MIPEP: variants seen among roughly 807,000 people sequenced by gnomAD.
MIPEP encodes the protein mitochondrial intermediate peptidase.
Under a neutral mutation model 90.3 loss-of-function variants are expected in MIPEP, and 79 were observed. The ratio of observed to expected loss-of-function variants is 0.87; its 90% confidence interval spans 0.73 to 1.05. The LOEUF (loss-of-function observed/expected upper bound fraction) is 1.05, where lower values mean the gene tolerates loss of function less well. Ranked by LOEUF, MIPEP falls within the 50% of genes least tolerant of loss-of-function variation. MIPEP has a pLI of 0.00. For synonymous variants in MIPEP, 334 were observed against 315.8 expected (o/e 1.06, Z -0.61); for missense variants, 940 against 905.6 (o/e 1.04, Z -0.49).
In MIPEP at chr13:23,730,449, C is replaced by T. The variant is rs1243340944; in HGVS notation, c.2045-4G>A. 1.9e-6 allele frequency: 3 copies of T among 1,604,884 alleles called. No homozygotes were observed. Among genetic ancestry groups the T allele is most frequent in the Non-Finnish European group, 2.6e-6 (3 of 1,173,230 alleles). On this transcript the variant is annotated splice_polypyrimidine_tract_variant and splice_region_variant and intron_variant, in intron 18 of 18. Transcript: ENST00000382172. Reference sequence around the variant, plus strand: ...GAAGGACACTTCTGAAGCATACCTGCAAACAAAGGAAAGGTCAGAACTGCG... The same window carrying T: ...GAAGGACACTTCTGAAGCATACCTGTAAACAAAGGAAAGGTCAGAACTGCG...
intron 10 of MIPEP, chr13:23,842,591 C>T (rs1271460680): frequency 6.6e-6 from 1 of 152,258 alleles, no homozygotes; most frequent in Admixed American, 6.5e-5. Flanking sequence ...GAATGAAGAG[C>T]CTTTGTGTCT....
rs1000481778 is a variant in MIPEP, at chr13:23,889,366, G to A, written c.-46C>T. On this transcript the variant is annotated 5_prime_UTR_variant, in exon 1 of 19. Coordinates refer to ENST00000382172, the MANE Select transcript of MIPEP (RefSeq NM_005932.4). ...TTCCTCCAACGCAGATCCCTGCCCT[G>A]CTGCTTTCGCTGGGAGCGCGCGCTC... 8.0e-5 allele frequency: 100 copies of A among 1,243,616 alleles called. No individual in the cohort carries two copies. The highest frequency in any genetic ancestry group is 9.5e-5 in the Non-Finnish European group (94 of 991,626). 77.0% of individuals were successfully genotyped at this position (1,243,616 alleles called of 1,614,324 possible). A position where few individuals can be genotyped will look rare whatever the true frequency, so the allele number is the denominator to read the frequency against.
In MIPEP at chr13:23,870,090, G is replaced by A; in HGVS notation, c.709C>T (p.His237Tyr). ...NKIEKHLLPE[H>Y]IRRNFTSAGD... ...GCAGATGTAAAGTTACGACGAATGT[G>A]TTCTGGTAAGAGATGCTTCTCAATC... The change falls in exon 6 of 19, where the codon CAC becomes TAC. Residue 237 changes from histidine (H) to tyrosine (Y), a missense_variant. Coordinates refer to ENST00000382172, the MANE Select transcript of MIPEP (RefSeq NM_005932.4). 1 of 1,612,718 alleles carries A rather than the reference G, an allele frequency of 6.2e-7. No homozygotes were observed. Among genetic ancestry groups the A allele is most frequent in the East Asian group, 2.2e-5 (1 of 44,798 alleles).
In MIPEP at chr13:23,883,690, T is replaced by C. The variant is rs541615230; in HGVS notation, c.364-1903A>G. On this transcript the variant is annotated intron_variant, in intron 2 of 18. Transcript: ENST00000382172. ...GAATGCAAATTTTTTTTCCAAATAT[T>C]TTTGATCCAAGGTTGGTTGACTCCA... is the stretch of plus-strand genomic sequence containing the variant. Among the ~76,000 whole-genome samples, 27 of 152,296 alleles carry C rather than the reference T, an allele frequency of 1.8e-4. No homozygotes were observed. In the South Asian group the frequency reaches 4.1e-3, roughly 23 times the overall value.
At chr13:23,778,713 C>CAAT (rs10687980) in intron 16 of MIPEP, among the ~76,000 whole-genome samples, 40,179 of 150,834 alleles carry the variant, frequency 0.27, 5,905 homozygotes, top group African/African-American at 0.36. Context: ...ATTATACTGA[C>CAAT]AATAATAATA....
intron 2 of MIPEP, among the ~76,000 whole-genome samples, chr13:23,882,975 T>C (rs1871328049): frequency 6.6e-6 from 1 of 152,080 alleles, no homozygotes; most frequent in Admixed American, 6.5e-5. Flanking sequence ...AAAACAGTTG[T>C]TACATAAAAA....
chr13:23,767,951 G>A (rs1952608414), intron 16 of MIPEP, among the ~76,000 whole-genome samples: 1 of 152,134 alleles, frequency 6.6e-6, no homozygotes. Flanking sequence ...GATTGCTGTG[G>A]CAGTGACTGC....
chr13:23,821,519 G>A (rs1953304848), intron 14 of MIPEP, among the ~76,000 whole-genome samples: 1 of 152,128 alleles, frequency 6.6e-6, no homozygotes, highest in South Asian at 2.1e-4. Context: ...CCTGTCACAA[G>A]ACTCTCTGGG....
chr13:23,854,533 A>C (rs1247138316), intron 10 of MIPEP, among the ~76,000 whole-genome samples: 2 of 152,204 alleles, frequency 1.3e-5, no homozygotes, highest in East Asian at 1.9e-4. Flanking sequence ...GATTTTAAGA[A>C]TATATCTTAG....
chr13:23,748,417 A>G (rs11840345), intron 18 of MIPEP, among the ~76,000 whole-genome samples: 3,596 of 152,318 alleles, frequency 0.024, 161 homozygotes, highest in African/African-American at 0.082. Context: ...AAACCAATAA[A>G]TGAAATAATA....
At chr13:23,843,605 G>A (rs934554606) in intron 10 of MIPEP, among the ~76,000 whole-genome samples, 1 of 152,194 alleles carries the variant, frequency 6.6e-6, no homozygotes, top group Non-Finnish European at 1.5e-5. Context: ...GCTTACAGAT[G>A]CCATTTGGGA....
intron 14 of MIPEP, among the ~76,000 whole-genome samples, chr13:23,829,487 T>C (rs886364789): frequency 6.6e-6 from 1 of 151,374 alleles, no homozygotes; most frequent in Non-Finnish European, 1.5e-5. Context: ...CCAACAATAT[T>C]AAAAGGAAAG....
At chr13:23,791,823 T>C (rs779834173) in intron 16 of MIPEP, among the ~76,000 whole-genome samples, 1 of 152,180 alleles carries the variant, frequency 6.6e-6, no homozygotes, top group Non-Finnish European at 1.5e-5. Flanking sequence ...CCAATTCTTC[T>C]CTCTCACTTT....
intron 12 of MIPEP, among the ~76,000 whole-genome samples, chr13:23,839,279 C>A (rs755325536): frequency 1.3e-5 from 2 of 152,190 alleles, no homozygotes; most frequent in Non-Finnish European, 2.9e-5. Flanking sequence ...AGTAGCTTAA[C>A]CTCTATGGCT....
chr13:23,841,928 T>A (rs1172061676), intron 10 of MIPEP, among the ~76,000 whole-genome samples: 3 of 152,200 alleles, frequency 2.0e-5, no homozygotes, highest in Non-Finnish European at 4.4e-5. Context: ...TGAGGCACAT[T>A]AAGTGAATTT....
At chr13:23,803,317 T>A (rs1953068575) in intron 16 of MIPEP, among the ~76,000 whole-genome samples, 2 of 152,048 alleles carry the variant, frequency 1.3e-5, no homozygotes, top group African/African-American at 4.8e-5. Context: ...GAGCCAATAC[T>A]GCGCCACTGC....
chr13:23,767,300 A>G (rs1952601564), intron 16 of MIPEP, among the ~76,000 whole-genome samples: 1 of 152,234 alleles, frequency 6.6e-6, no homozygotes, highest in Non-Finnish European at 1.5e-5. Flanking sequence ...AGAAATTTTT[A>G]TACAGCAATT....
rs180827767 is a variant in MIPEP, at chr13:23,796,261, A to C, written c.1848+9689T>G. ...TGGCGAAACCACATCTCTACCAAAA[A>C]TACAAAAATTATCAGGGCGGTGGTG... On this transcript the variant is annotated intron_variant, in intron 16 of 18. Transcript: ENST00000382172. 2.7e-3 allele frequency among the ~76,000 whole-genome samples: 412 copies of C among 152,302 alleles called. 4 individuals are homozygous for C. Among genetic ancestry groups the C allele is most frequent in the African/African-American group, 9.6e-3 (399 of 41,546 alleles).
chr13:23,866,258 C>T (rs180796577), intron 7 of MIPEP, among the ~76,000 whole-genome samples: 20 of 152,230 alleles, frequency 1.3e-4, no homozygotes, highest in African/African-American at 4.6e-4. Flanking sequence ...CCATCGACAC[C>T]GAAAACGTGC....
Sources: allele counts gnomAD v4.1 joint callset (sites outside exome capture counted in the v4.1 genomes callset), GRCh38; gene constraint gnomAD v4.1.1; transcripts MANE v1.5; gene names NCBI Gene and HGNC (gene_info 2026-07-23, HGNC 2026-07-21).